HS3ST4: variants seen among roughly 807,000 people sequenced by gnomAD.
HS3ST4 encodes the protein heparan sulfate-glucosamine 3-sulfotransferase 4, also known as heparan sulfate glucosamine 3-O-sulfotransferase 4.
HS3ST4 carries 17 observed loss-of-function variants against 29.2 expected under a neutral mutation model. That is an observed-to-expected ratio of 0.58 (90% confidence interval 0.40 to 0.87). HS3ST4 has a LOEUF of 0.87. Ranked by LOEUF, HS3ST4 falls within the 40% of genes least tolerant of loss-of-function variation. The pLI, the probability that HS3ST4 is intolerant of heterozygous loss-of-function variation, is 0.00. For missense variants in HS3ST4, 627 were observed against 634.5 expected, an observed-to-expected ratio of 0.99 and a Z score of 0.13; for synonymous variants, 314 against 285.7, an observed-to-expected ratio of 1.10 and a Z score of -1.00.
intron 1 of HS3ST4, among the ~76,000 whole-genome samples, chr16:25,839,596 G>C (rs1967393032): frequency 6.6e-6 from 1 of 152,054 alleles, no homozygotes; most frequent in Admixed American, 6.6e-5. Context: ...TTATTTACAT[G>C]GTCTTTTTCT....
At chr16:25,884,617 G>A (rs1302296157) in intron 1 of HS3ST4, among the ~76,000 whole-genome samples, 1 of 152,176 alleles carries the variant, frequency 6.6e-6, no homozygotes, top group East Asian at 1.9e-4. Flanking sequence ...CCAGGCTGGA[G>A]TGCAATGGCG....
intron 1 of HS3ST4, among the ~76,000 whole-genome samples, chr16:26,107,928 C>T (rs575950693): frequency 4.1e-4 from 63 of 152,146 alleles, no homozygotes; most frequent in African/African-American, 1.3e-3. Flanking sequence ...ATTGCTGGAG[C>T]GAATGGTAGA....
intron 1 of HS3ST4, among the ~76,000 whole-genome samples, chr16:25,813,589 C>A (rs1967064239): frequency 6.6e-6 from 1 of 152,176 alleles, no homozygotes; most frequent in Non-Finnish European, 1.5e-5. Context: ...AACAGCGAAA[C>A]TGTCTCAAAC....
At chr16:25,735,572 G>A (rs1016859034) in intron 1 of HS3ST4, among the ~76,000 whole-genome samples, 1 of 152,042 alleles carries the variant, frequency 6.6e-6, no homozygotes, top group African/African-American at 2.4e-5. Flanking sequence ...AAGTTGTTTT[G>A]TAGAGATGGG....
intron 1 of HS3ST4, among the ~76,000 whole-genome samples, chr16:25,986,914 C>T (rs1969069886): frequency 6.6e-6 from 1 of 152,202 alleles, no homozygotes; most frequent in South Asian, 2.1e-4. Context: ...AATTACATTT[C>T]ATTAACAGGG....
At chr16:26,092,987 C>T (rs1898875759) in intron 1 of HS3ST4, among the ~76,000 whole-genome samples, 4 of 152,186 alleles carry the variant, frequency 2.6e-5, no homozygotes, top group Admixed American at 1.3e-4. Context: ...TTGCTCACTG[C>T]TAGCACAGCA....
intron 1 of HS3ST4, among the ~76,000 whole-genome samples, chr16:26,060,578 CT>C: frequency 6.6e-6 from 1 of 152,142 alleles, no homozygotes; most frequent in South Asian, 2.1e-4. Context: ...TGCACTGACA[CT>C]TAGCTGTGAC....
At chr16:25,996,247 T>C (rs1029743945) in intron 1 of HS3ST4, among the ~76,000 whole-genome samples, 17 of 152,140 alleles carry the variant, frequency 1.1e-4, no homozygotes. Flanking sequence ...ATTTGTTAAA[T>C]GTGATTTCTA....
chr16:25,785,126 G>C lies in HS3ST4; in HGVS notation c.734+91975G>C, dbSNP rs143615563. ...GTTTACTGAATATTATAAGCCCACT[G>C]TTAAGACCTACTGCTTTTTAAAAAA... On this transcript the variant is annotated intron_variant, in intron 1 of 1. Transcript: ENST00000331351. 1.2e-3 allele frequency among the ~76,000 whole-genome samples: 182 copies of C among 152,286 alleles called. 3 individuals carry two copies. In the East Asian group the frequency reaches 0.032, roughly 27 times the overall value.
chr16:26,054,430 T>G (rs1898383651), intron 1 of HS3ST4, among the ~76,000 whole-genome samples: 1 of 152,230 alleles, frequency 6.6e-6, no homozygotes, highest in East Asian at 1.9e-4. Flanking sequence ...TCAGTTTACC[T>G]AACAAGGCAA....
At chr16:26,127,700 C>T (rs1238761794) in intron 1 of HS3ST4, among the ~76,000 whole-genome samples, 1 of 152,180 alleles carries the variant, frequency 6.6e-6, no homozygotes, top group African/African-American at 2.4e-5. Context: ...CTCTGAGCCT[C>T]AGATTACTCA....
At chr16:26,012,139 G>A (rs186491820) in intron 1 of HS3ST4, among the ~76,000 whole-genome samples, 2 of 152,332 alleles carry the variant, frequency 1.3e-5, no homozygotes, top group Admixed American at 6.5e-5. Context: ...CAGTAGATAA[G>A]TCAGCAGGGT....
At chr16:25,751,608 C>G (rs1966720537) in intron 1 of HS3ST4, among the ~76,000 whole-genome samples, 1 of 152,168 alleles carries the variant, frequency 6.6e-6, no homozygotes, top group Middle Eastern at 3.2e-3. Flanking sequence ...CTGAATAGTG[C>G]TAACAGACCT....
intron 1 of HS3ST4, among the ~76,000 whole-genome samples, chr16:25,914,353 T>A (rs1968271062): frequency 6.6e-6 from 1 of 150,922 alleles, no homozygotes; most frequent in Non-Finnish European, 1.5e-5. Flanking sequence ...ATGTGGGGTG[T>A]GTATGTTTAT....
At chr16:26,084,976 C>T (rs1264229704) in intron 1 of HS3ST4, among the ~76,000 whole-genome samples, 2 of 152,136 alleles carry the variant, frequency 1.3e-5, no homozygotes, top group South Asian at 4.2e-4. Context: ...TTGCTAATAG[C>T]ATAATGCTCC....
intron 1 of HS3ST4, among the ~76,000 whole-genome samples, chr16:25,833,512 A>G (rs140644720): frequency 2.0e-5 from 3 of 152,210 alleles, no homozygotes. Flanking sequence ...TTAGAACAGT[A>G]CCTGATATAT....
At chr16:25,989,427 T>C (rs572770277) in intron 1 of HS3ST4, among the ~76,000 whole-genome samples, 1 of 152,174 alleles carries the variant, frequency 6.6e-6, no homozygotes, top group Non-Finnish European at 1.5e-5. Context: ...AAGACCTTTA[T>C]GGGCAAACAG....
rs1005264869 is a variant in HS3ST4 at position 25,811,162 on chromosome 16, G to A, written c.734+118011G>A. On this transcript the variant is annotated intron_variant, in intron 1 of 1. Coordinates refer to ENST00000331351, the MANE Select transcript of HS3ST4 (RefSeq NM_006040.3). Reference sequence around the variant, plus strand: ...CCTTAACAGCATGGGCTTGAAATGCGTGGGTTCACTTACATGTGGATTTTT... The same window carrying A: ...CCTTAACAGCATGGGCTTGAAATGCATGGGTTCACTTACATGTGGATTTTT... Among the ~76,000 whole-genome samples the A allele has an allele frequency of 2.0e-5, 3 of 152,170 alleles. No homozygotes were observed. The South Asian group carries it at 6.2e-4, about 32-fold the overall frequency.
chr16:25,754,274 A>T (rs1318858023), intron 1 of HS3ST4, among the ~76,000 whole-genome samples: 1 of 151,982 alleles, frequency 6.6e-6, no homozygotes. Flanking sequence ...CCTGGTAAGG[A>T]GCCTCCAATC....
Sources: allele counts gnomAD v4.1 joint callset (sites outside exome capture counted in the v4.1 genomes callset), GRCh38; gene constraint gnomAD v4.1.1; transcripts MANE v1.5; gene names NCBI Gene and HGNC (gene_info 2026-07-23, HGNC 2026-07-21).